The following TAFA2 variants were observed in gnomAD, a reference collection of about 807,000 sequenced individuals.
TAFA2 encodes chemokine-like protein TAFA-2.
TAFA2 carries 7 observed loss-of-function variants against 18.8 expected under a neutral mutation model. The observed-to-expected ratio is 0.37, with a 90% CI of 0.21 to 0.70. The LOEUF is 0.70. Among genes scored for constraint, TAFA2 ranks in the 30% least tolerant of loss-of-function variants. The pLI is 0.53. For synonymous variants in TAFA2, 60 were observed against 54.2 expected, an observed-to-expected ratio of 1.11 and a Z score of -0.47; for missense variants, 122 against 158.1, an observed-to-expected ratio of 0.77 and a Z score of 1.23.
chr12:61,882,139 G>A (rs1197612423), intron 1 of TAFA2, among the ~76,000 whole-genome samples: 1 of 152,138 alleles, frequency 6.6e-6, no homozygotes, highest in Non-Finnish European at 1.5e-5. Flanking sequence ...TTCCATGGGA[G>A]AATCCAGAGG....
chr12:62,068,400 C>A (rs535311004), intron 1 of TAFA2, among the ~76,000 whole-genome samples: 1 of 152,270 alleles, frequency 6.6e-6, no homozygotes, highest in African/African-American at 2.4e-5. Context: ...GGATGGAGTT[C>A]TGAGAGAACA....
At chr12:62,028,720 G>T (rs567355838) in intron 1 of TAFA2, among the ~76,000 whole-genome samples, 2 of 152,178 alleles carry the variant, frequency 1.3e-5, no homozygotes. Context: ...TTGCAGAGTC[G>T]AATGCAGTCT....
intron 1 of TAFA2, among the ~76,000 whole-genome samples, chr12:62,036,634 C>G (rs1291938577): frequency 1.3e-5 from 2 of 152,090 alleles, no homozygotes; most frequent in Non-Finnish European, 2.9e-5. Flanking sequence ...TTCTAATATG[C>G]TTATTAGGGA....
At chr12:61,827,474 C>T (rs1283223355) in intron 2 of TAFA2, among the ~76,000 whole-genome samples, 1 of 151,870 alleles carries the variant, frequency 6.6e-6, no homozygotes, top group Non-Finnish European at 1.5e-5. Context: ...ATTTTTAGTT[C>T]TACTTTGAAA....
At chr12:62,206,068 G>A (rs1196481286) in intron 1 of TAFA2, among the ~76,000 whole-genome samples, 2 of 152,112 alleles carry the variant, frequency 1.3e-5, no homozygotes, top group Non-Finnish European at 2.9e-5. Flanking sequence ...CAGTCCGAAT[G>A]AGAGAACCTG....
chr12:61,870,005 C>T (rs774985391), intron 1 of TAFA2, among the ~76,000 whole-genome samples: 2 of 152,138 alleles, frequency 1.3e-5, no homozygotes, highest in Non-Finnish European at 2.9e-5. Flanking sequence ...TTTTTCCATA[C>T]CATTGTACAC....
intron 2 of TAFA2, among the ~76,000 whole-genome samples, chr12:61,779,938 T>C (rs1870433298): frequency 6.6e-6 from 1 of 151,806 alleles, no homozygotes; most frequent in Admixed American, 6.6e-5. Context: ...ATGAAGAGAC[T>C]GCAGCCAGAT....
At chr12:61,713,378 C>G (rs1869503523) in intron 4 of TAFA2, among the ~76,000 whole-genome samples, 1 of 152,160 alleles carries the variant, frequency 6.6e-6, no homozygotes, top group Non-Finnish European at 1.5e-5. Context: ...GCTTGGGAGA[C>G]TGCATGATTC....
At chr12:61,822,802 T>G (rs562375666) in intron 2 of TAFA2, among the ~76,000 whole-genome samples, 46 of 152,306 alleles carry the variant, frequency 3.0e-4, no homozygotes, top group African/African-American at 1.0e-3. Context: ...ATGCATAATA[T>G]CACATGTATC....
intron 1 of TAFA2, among the ~76,000 whole-genome samples, chr12:62,010,306 C>T (rs115905910): frequency 0.019 from 2,823 of 152,128 alleles, 82 homozygotes; most frequent in African/African-American, 0.063. Context: ...TTTGCCAGCG[C>T]GCCGCCATGC....
chr12:62,177,610 T>C (rs940843959), intron 1 of TAFA2, among the ~76,000 whole-genome samples: 2 of 152,240 alleles, frequency 1.3e-5, no homozygotes, highest in South Asian at 2.1e-4. Context: ...AATTTACCAT[T>C]ACTCACATTT....
intron 2 of TAFA2, among the ~76,000 whole-genome samples, chr12:61,826,167 C>G (rs1184775065): frequency 6.6e-6 from 1 of 152,052 alleles, no homozygotes; most frequent in Non-Finnish European, 1.5e-5. Flanking sequence ...ACCATGCCCA[C>G]TAGTCCTATA....
At chr12:61,771,543 A>G (rs1348997364) in intron 2 of TAFA2, among the ~76,000 whole-genome samples, 2 of 152,070 alleles carry the variant, frequency 1.3e-5, no homozygotes, top group Non-Finnish European at 2.9e-5. Context: ...CTCTGACCAC[A>G]GTGAAATAAA....
At chr12:61,872,862 T>TTTTC (rs1874678278) in intron 1 of TAFA2, among the ~76,000 whole-genome samples, 1 of 150,364 alleles carries the variant, frequency 6.7e-6, no homozygotes, top group African/African-American at 2.4e-5. Context: ...ACCCTGCAGT[T>TTTTC]TCTCTCTCTC....
At chr12:61,972,763 C>A (rs893736888) in intron 1 of TAFA2, among the ~76,000 whole-genome samples, 1 of 151,542 alleles carries the variant, frequency 6.6e-6, no homozygotes, top group Admixed American at 6.6e-5. Flanking sequence ...GGGAAAGAGA[C>A]GGGGCAATGG....
chr12:62,104,812 C>G (rs780675819), intron 1 of TAFA2: 15 of 388,766 alleles, frequency 3.9e-5, no homozygotes, highest in South Asian at 2.7e-4. Flanking sequence ...CTTCTCATCT[C>G]TTTATGACAA....
chr12:61,815,317 T>C (rs150185094), intron 2 of TAFA2, among the ~76,000 whole-genome samples: 1 of 151,510 alleles, frequency 6.6e-6, no homozygotes, highest in East Asian at 1.9e-4. Flanking sequence ...TCAAGAATTA[T>C]GTTTTGAAAG....
intron 4 of TAFA2, chr12:61,720,630 A>G (rs1158580699): frequency 2.2e-5 from 5 of 228,612 alleles, no homozygotes; most frequent in African/African-American, 9.2e-5. Context: ...TTAAATGCTA[A>G]TGGTAACCAC....
At chr12:62,130,623 CTATG>C (rs1360137276) in intron 1 of TAFA2, among the ~76,000 whole-genome samples, 1 of 151,926 alleles carries the variant, frequency 6.6e-6, no homozygotes, top group Non-Finnish European at 1.5e-5. Flanking sequence ...TGAGTACCTA[CTATG>C]TGGCAGGCAC....
Sources: gnomAD v4.1 joint callset for allele counts (sites outside exome capture counted in the v4.1 genomes callset) on GRCh38, gnomAD v4.1.1 for gene constraint, MANE v1.5 for transcripts, NCBI Gene and HGNC (gene_info 2026-07-23, HGNC 2026-07-21) for gene names.